Variants in CERS6 observed in about 807,000 individuals in gnomAD.
CERS6 encodes LAG1 homolog, ceramide synthase 6.
Under a neutral mutation model 56.8 loss-of-function variants are expected in CERS6, and 26 were observed. The observed-to-expected ratio is 0.46, with a 90% CI of 0.34 to 0.63. The LOEUF (loss-of-function observed/expected upper bound fraction) is 0.63. Ranked by LOEUF, CERS6 falls within the 30% of genes least tolerant of loss-of-function variation. CERS6 has a pLI of 0.01. For missense variants in CERS6, 415 were observed against 467.5 expected (o/e 0.89, Z 1.04); for synonymous variants, 164 against 173.3 (o/e 0.95, Z 0.42).
chr2:168,695,870 A>G (rs1686633111), intron 6 of CERS6, among the ~76,000 whole-genome samples: 2 of 152,154 alleles, frequency 1.3e-5, no homozygotes, highest in African/African-American at 4.8e-5. Context: ...CCACATCTGT[A>G]GTCACAGATG....
chr2:168,678,056 G>A (rs545693223), intron 4 of CERS6, among the ~76,000 whole-genome samples: 2 of 152,340 alleles, frequency 1.3e-5, no homozygotes, highest in South Asian at 2.1e-4. Flanking sequence ...AGGTGCTGGA[G>A]AGGATGTGGA....
At chr2:168,457,031 C>A (rs1167921277) in intron 1 of CERS6, among the ~76,000 whole-genome samples, 1 of 152,240 alleles carries the variant, frequency 6.6e-6, no homozygotes, top group Non-Finnish European at 1.5e-5. Context: ...CGCCACCCAC[C>A]TGACAGCCAG....
chr2:168,749,803 T>A (rs1684208788), intron 8 of CERS6, among the ~76,000 whole-genome samples: 1 of 152,154 alleles, frequency 6.6e-6, no homozygotes, highest in Admixed American at 6.5e-5. Context: ...GGAAAAAAAT[T>A]CAAGGGCAAG....
At chr2:168,479,225 C>CT (rs1452896304) in intron 1 of CERS6, among the ~76,000 whole-genome samples, 2 of 152,088 alleles carry the variant, frequency 1.3e-5, no homozygotes, top group Non-Finnish European at 2.9e-5. Context: ...GTTTAAAACT[C>CT]TGAGTTAAAA....
intron 1 of CERS6, among the ~76,000 whole-genome samples, chr2:168,540,119 G>A (rs1480413463): frequency 6.6e-6 from 1 of 151,666 alleles, no homozygotes; most frequent in Non-Finnish European, 1.5e-5. Context: ...ATTCTTTGAA[G>A]GATATTTTGC....
At chr2:168,484,172 T>G (rs1450978837) in intron 1 of CERS6, among the ~76,000 whole-genome samples, 8 of 82,998 alleles carry the variant, frequency 9.6e-5, no homozygotes, top group African/African-American at 2.8e-4. Context: ...TTTCTGTTTT[T>G]TTTTTTTTTT....
Position 168,774,151 on chromosome 2 carries a change from G to A in CERS6, c.*4489G>A, listed in dbSNP as rs1291970157. 3 of 152,086 alleles carry A rather than the reference G, an allele frequency of 2.0e-5. No homozygotes were observed. Among genetic ancestry groups the A allele is most frequent in the Non-Finnish European group, 2.9e-5 (2 of 68,032 alleles). 9.4% of individuals were successfully genotyped at this position (152,086 alleles called of 1,614,324 possible). A position where few individuals can be genotyped will look rare whatever the true frequency, so the allele number is the denominator to read the frequency against. On this transcript the variant is annotated 3_prime_UTR_variant, in exon 10 of 10. Transcript: ENST00000305747. ...GCTGAGACCCCATGGGGTCTAACAC[G>A]GGACCTAAGAAAGTCTCTGCAGCCA...
intron 3 of CERS6, among the ~76,000 whole-genome samples, chr2:168,610,318 C>A (rs759656093): frequency 5.3e-5 from 8 of 152,130 alleles, no homozygotes; most frequent in Non-Finnish European, 1.2e-4. Flanking sequence ...CTTAGATTTA[C>A]AGCTGTTGCC....
chr2:168,588,516 C>A (rs1683598143), intron 3 of CERS6, among the ~76,000 whole-genome samples: 1 of 152,064 alleles, frequency 6.6e-6, no homozygotes, highest in Non-Finnish European at 1.5e-5. Flanking sequence ...CCGTTTTTGT[C>A]CTTTTGTAAC....
intron 1 of CERS6, among the ~76,000 whole-genome samples, chr2:168,530,342 T>C (rs1695144163): frequency 6.6e-6 from 1 of 152,238 alleles, no homozygotes; most frequent in Admixed American, 6.5e-5. Context: ...GATACTGCCT[T>C]ACTCAGACAT....
intron 1 of CERS6, among the ~76,000 whole-genome samples, chr2:168,498,098 A>G (rs1010707079): frequency 6.6e-6 from 1 of 152,300 alleles, no homozygotes; most frequent in East Asian, 1.9e-4. Context: ...AAACGCTGTT[A>G]TCAGTAAGCT....
At chr2:168,472,997 A>T (rs1694004972) in intron 1 of CERS6, among the ~76,000 whole-genome samples, 1 of 152,196 alleles carries the variant, frequency 6.6e-6, no homozygotes, top group Non-Finnish European at 1.5e-5. Context: ...TGCATTTGAA[A>T]CATTATGCTC....
chr2:168,644,319 G>C (rs892347531), intron 4 of CERS6: 1 of 985,184 alleles, frequency 1.0e-6, no homozygotes, highest in Admixed American at 6.1e-5. Flanking sequence ...ATAATAGAAA[G>C]TGGTAAGTCT....
chr2:168,683,018 T>C (rs933318905), intron 4 of CERS6, among the ~76,000 whole-genome samples: 10 of 152,184 alleles, frequency 6.6e-5, no homozygotes, highest in African/African-American at 2.4e-4. Flanking sequence ...TACATATGGG[T>C]CTAGTTAATT....
At chr2:168,724,853 G>A (rs368610676) in intron 8 of CERS6, among the ~76,000 whole-genome samples, 38 of 152,222 alleles carry the variant, frequency 2.5e-4, no homozygotes, top group African/African-American at 7.2e-4. Context: ...ATCCCCCACC[G>A]GGGCTGCAGG....
intron 8 of CERS6, among the ~76,000 whole-genome samples, chr2:168,735,286 C>T (rs908678391): frequency 9.9e-5 from 15 of 151,160 alleles, no homozygotes; most frequent in African/African-American, 3.2e-4. Flanking sequence ...ACTTCCACAC[C>T]CCTGCAAAAA....
rs1411605029 is a variant in CERS6, at chr2:168,530,125, G to A, written c.171-17471G>A. 2.6e-5 allele frequency among the ~76,000 whole-genome samples: 4 copies of A among 152,224 alleles called. No individual in the cohort carries two copies. The South Asian group carries it at 8.3e-4, about 32-fold the overall frequency. Reference sequence around the variant, plus strand: ...AACGTGTCTGTAAGAGTGCCGAGGGGTATGGTTAAAGGGAATTTTGAGGCA... The same window carrying A: ...AACGTGTCTGTAAGAGTGCCGAGGGATATGGTTAAAGGGAATTTTGAGGCA... On this transcript the variant is annotated intron_variant, in intron 1 of 9. Coordinates refer to ENST00000305747, the MANE Select transcript of CERS6 (RefSeq NM_203463.3).
chr2:168,750,210 T>A (rs1307883574), intron 8 of CERS6, among the ~76,000 whole-genome samples: 1 of 152,214 alleles, frequency 6.6e-6, no homozygotes, highest in African/African-American at 2.4e-5. Context: ...TCTGTTGCAC[T>A]CTTTGTCCCA....
intron 1 of CERS6, among the ~76,000 whole-genome samples, chr2:168,522,539 A>AT (rs368748705): frequency 5.8e-4 from 86 of 147,348 alleles, no homozygotes; most frequent in African/African-American, 1.3e-3. Context: ...ACTTAGGTGA[A>AT]TTTTTTTTTT....
Sources: allele counts gnomAD v4.1 joint callset (sites outside exome capture counted in the v4.1 genomes callset), GRCh38; gene constraint gnomAD v4.1.1; transcripts MANE v1.5; gene names NCBI Gene and HGNC (gene_info 2026-07-23, HGNC 2026-07-21).